Variants in ATP8A2 observed in about 807,000 individuals in gnomAD.
ATP8A2 encodes ATPase phospholipid transporting 8A2.
ATP8A2 carries 100 observed loss-of-function variants against 165.6 expected under a neutral mutation model. The observed-to-expected ratio is 0.60, with a 90% CI of 0.51 to 0.71. ATP8A2 has a LOEUF of 0.71. Ranked by LOEUF, ATP8A2 falls within the 30% of genes least tolerant of loss-of-function variation. The pLI is 0.00. For synonymous variants in ATP8A2, 543 were observed against 548.8 expected (o/e 0.99, Z 0.15); for missense variants, 1,227 against 1,479.5 (o/e 0.83, Z 2.80).
At chr13:25,373,821 C>T (rs1345531801) in intron 1 of ATP8A2, among the ~76,000 whole-genome samples, 1 of 152,006 alleles carries the variant, frequency 6.6e-6, no homozygotes, top group Non-Finnish European at 1.5e-5. Flanking sequence ...TCTGGGGCTC[C>T]GGGGAGTGTG....
chr13:25,541,899 C>T lies in ATP8A2; in HGVS notation c.652-20C>T, dbSNP rs200868639. 6.2e-7 allele frequency: 1 copy of T among 1,613,658 alleles called. No individual in the cohort carries two copies. Among genetic ancestry groups the T allele is most frequent in the African/African-American group, 1.3e-5 (1 of 75,000 alleles). On this transcript the variant is annotated intron_variant, in intron 8 of 36. Transcript: ENST00000381655. ...CACAGAAGATTGTGTTTGACTTCCT[C>T]TTTTGGTTTAATCTTTTAGGGTTTG...
chr13:25,724,248 GA>G (rs1325698466), intron 25 of ATP8A2, among the ~76,000 whole-genome samples: 1 of 152,212 alleles, frequency 6.6e-6, no homozygotes, highest in East Asian at 1.9e-4. Flanking sequence ...CTGTGCCCAT[GA>G]TCAGGAACTT....
rs1053739214 is a variant in ATP8A2, at chr13:25,948,824, C to T, written c.3184-12751C>T. On this transcript the variant is annotated intron_variant, in intron 33 of 36. Transcript: ENST00000381655. The stretch of plus-strand genomic sequence containing the variant: ...TGGCTCCCTGATCACAGACTTCCAA[C>T]CTCCAGGACTGCAAGCAGATACATA... 2.6e-5 allele frequency among the ~76,000 whole-genome samples: 4 copies of T among 152,288 alleles called. No homozygotes were observed. In the East Asian group the frequency reaches 7.7e-4, roughly 29 times the overall value.
At chr13:25,597,326 G>A (rs537301678) in intron 24 of ATP8A2, among the ~76,000 whole-genome samples, 30 of 152,162 alleles carry the variant, frequency 2.0e-4, no homozygotes, top group Non-Finnish European at 4.4e-4. Context: ...TTGAGTGTGT[G>A]TGGAACCTTT....
At chr13:25,866,190 C>T (rs1420916661) in intron 33 of ATP8A2, among the ~76,000 whole-genome samples, 1 of 152,156 alleles carries the variant, frequency 6.6e-6, no homozygotes, top group Non-Finnish European at 1.5e-5. Context: ...TCTTACTTGA[C>T]CTCTGTTCAA....
chr13:25,531,093 C>G (rs1401267829), intron 4 of ATP8A2, among the ~76,000 whole-genome samples: 2 of 149,844 alleles, frequency 1.3e-5, no homozygotes, highest in Admixed American at 6.8e-5. Flanking sequence ...TTCCTTTTCC[C>G]TGTCTTTCTT....
At chr13:25,786,982 C>T (rs1332563302) in intron 27 of ATP8A2, among the ~76,000 whole-genome samples, 1 of 152,116 alleles carries the variant, frequency 6.6e-6, no homozygotes, top group African/African-American at 2.4e-5. Flanking sequence ...GGGGTTTTGC[C>T]ATTTTGGCTA....
At chr13:25,418,908 C>G (rs922905004) in intron 1 of ATP8A2, among the ~76,000 whole-genome samples, 2 of 152,042 alleles carry the variant, frequency 1.3e-5, no homozygotes, top group Admixed American at 1.3e-4. Context: ...TCTGAGATTT[C>G]TCATCTGGGT....
At chr13:25,586,107 G>A (rs7331915) in intron 23 of ATP8A2, among the ~76,000 whole-genome samples, 2 of 151,980 alleles carry the variant, frequency 1.3e-5, no homozygotes, top group African/African-American at 2.4e-5. Context: ...AATTTAAAAG[G>A]CATTATCCCC....
At chr13:25,389,412 C>A (rs2033166050) in intron 1 of ATP8A2, among the ~76,000 whole-genome samples, 1 of 152,162 alleles carries the variant, frequency 6.6e-6, no homozygotes, top group African/African-American at 2.4e-5. Flanking sequence ...ACAGTCCAAG[C>A]ACTTTCTGGG....
At chr13:25,652,330 T>C (rs2041832533) in intron 24 of ATP8A2, among the ~76,000 whole-genome samples, 2 of 152,216 alleles carry the variant, frequency 1.3e-5, no homozygotes, top group South Asian at 4.1e-4. Flanking sequence ...TGGTTTGGGA[T>C]TCCTCCTTTA....
chr13:25,813,702 G>A (rs1280588770), intron 27 of ATP8A2, among the ~76,000 whole-genome samples: 1 of 152,146 alleles, frequency 6.6e-6, no homozygotes, highest in African/African-American at 2.4e-5. Context: ...GATGGTTAAT[G>A]TTATATGAAC....
chr13:25,572,111 G>A (rs1269248813), intron 18 of ATP8A2, among the ~76,000 whole-genome samples: 1 of 138,672 alleles, frequency 7.2e-6, no homozygotes, highest in Non-Finnish European at 1.6e-5. Context: ...TGGGAGAGGA[G>A]TCAGCGTTAA....
Position 26,020,810 on chromosome 13 carries a change from C to T in ATP8A2, c.*825C>T, listed in dbSNP as rs961969979. ...ATGCGAAAAATTCCTTCTTCCACCG[C>T]CCTTCTCGTTCTGTAAAGAAAGAAA... is the stretch of plus-strand genomic sequence containing the variant. On this transcript the variant is annotated 3_prime_UTR_variant, in exon 37 of 37. Coordinates refer to ENST00000381655, the MANE Select transcript of ATP8A2 (RefSeq NM_016529.6). 3 of 152,324 alleles carry T rather than the reference C, an allele frequency of 2.0e-5. No homozygotes were observed. The highest frequency in any genetic ancestry group is 2.9e-5 in the Non-Finnish European group (2 of 68,100). 9.4% of individuals were successfully genotyped at this position (152,324 alleles called of 1,614,324 possible).
chr13:25,521,631 T>C (rs1692107384), intron 2 of ATP8A2, among the ~76,000 whole-genome samples: 2 of 152,214 alleles, frequency 1.3e-5, no homozygotes, highest in Admixed American at 1.3e-4. Flanking sequence ...GAAGAAACTG[T>C]CCTTTCCCCA....
At chr13:25,579,630 A>G (rs1011303969) in intron 21 of ATP8A2, among the ~76,000 whole-genome samples, 178 bp from the exon 22 acceptor site, 1 of 152,208 alleles carries the variant, frequency 6.6e-6, no homozygotes, top group East Asian at 1.9e-4. Flanking sequence ...TTATGTTAGA[A>G]TACAGGAGAG....
chr13:25,669,813 C>G (rs902080993), intron 24 of ATP8A2, among the ~76,000 whole-genome samples: 9 of 152,224 alleles, frequency 5.9e-5, no homozygotes, highest in Non-Finnish European at 1.3e-4. Context: ...ACAGATGCCA[C>G]TGCTGCCTGA....
At chr13:25,380,462 G>A (rs2032796329) in intron 1 of ATP8A2, among the ~76,000 whole-genome samples, 3 of 152,226 alleles carry the variant, frequency 2.0e-5, no homozygotes, top group Non-Finnish European at 4.4e-5. Context: ...GGCAAAATGT[G>A]CACTGGATTT....
chr13:25,439,804 C>T (rs1209197143), intron 1 of ATP8A2, among the ~76,000 whole-genome samples: 1 of 151,614 alleles, frequency 6.6e-6, no homozygotes, highest in African/African-American at 2.4e-5. Flanking sequence ...CTACTTGGGA[C>T]GCTGAGGCAG....
Sources: gnomAD v4.1 joint callset for allele counts (sites outside exome capture counted in the v4.1 genomes callset) on GRCh38, gnomAD v4.1.1 for gene constraint, MANE v1.5 for transcripts, NCBI Gene and HGNC (gene_info 2026-07-23, HGNC 2026-07-21) for gene names.